SKIC3: variants seen among roughly 807,000 people sequenced by gnomAD.
The protein encoded by SKIC3 is SKI3 subunit of superkiller complex.
the SKIC3 span, among the ~76,000 whole-genome samples, chr5:95,501,018 A>G: frequency 1.3e-5 from 2 of 152,146 alleles, no homozygotes; most frequent in African/African-American, 4.8e-5. Context: ...TCTTTTTACA[A>G]TAAGAGTTAA....
chr5:95,554,392 C>T, the SKIC3 span, among the ~76,000 whole-genome samples: 583 of 152,206 alleles, frequency 3.8e-3, 4 homozygotes, highest in South Asian at 7.3e-3. Context: ...CAGAACTCTC[C>T]AAAGGAATTC....
chr5:95,532,823 C>A, the SKIC3 span, among the ~76,000 whole-genome samples: 2 of 151,956 alleles, frequency 1.3e-5, no homozygotes, highest in African/African-American at 4.8e-5. Context: ...TGAAGAGGTC[C>A]GTGTTGGATG....
chr5:95,545,990 C>A, the SKIC3 span, among the ~76,000 whole-genome samples: 7 of 152,144 alleles, frequency 4.6e-5, no homozygotes, highest in Non-Finnish European at 8.8e-5. Flanking sequence ...GGTAACAAAT[C>A]TTTAACCTTT....
At chr5:95,549,919 T>A in the SKIC3 span, among the ~76,000 whole-genome samples, 14 of 151,940 alleles carry the variant, frequency 9.2e-5, no homozygotes, top group Non-Finnish European at 1.9e-4. Flanking sequence ...TCCTCTATTT[T>A]GGATATTTCC....
chr5:95,522,275 T>C, the SKIC3 span: 1 of 1,613,644 alleles, frequency 6.2e-7, no homozygotes, highest in Non-Finnish European at 8.5e-7. Context: ...ACAATTGAAG[T>C]CCTTTGGGTC....
the SKIC3 span, among the ~76,000 whole-genome samples, chr5:95,531,408 C>G: frequency 6.6e-6 from 1 of 152,158 alleles, no homozygotes; most frequent in Non-Finnish European, 1.5e-5. Context: ...AGACACAAGC[C>G]TGCTACTATT....
chr5:95,506,493 C>G, the SKIC3 span, among the ~76,000 whole-genome samples: 1 of 152,096 alleles, frequency 6.6e-6, no homozygotes, highest in East Asian at 1.9e-4. Context: ...TTAGAAGTCT[C>G]TGAAAAACTG....
chr5:95,504,800 A>G, the SKIC3 span, among the ~76,000 whole-genome samples: 7 of 152,276 alleles, frequency 4.6e-5, no homozygotes, highest in East Asian at 1.2e-3. Context: ...CAGGAGTTCA[A>G]GACCAACCTG....
chr5:95,495,261 A>C, the SKIC3 span: 1 of 472,916 alleles, frequency 2.1e-6, no homozygotes, highest in South Asian at 2.7e-5. Flanking sequence ...TGAAGGTTCA[A>C]AAGTTATATA....
At chr5:95,548,052 A>C in the SKIC3 span, among the ~76,000 whole-genome samples, 1 of 152,240 alleles carries the variant, frequency 6.6e-6, no homozygotes, top group African/African-American at 2.4e-5. Context: ...CTTAAGATAT[A>C]TTAATTTTAA....
chr5:95,512,343 C>T, the SKIC3 span: 1 of 984,350 alleles, frequency 1.0e-6, no homozygotes, highest in East Asian at 2.7e-5. Context: ...GACTGCTTCG[C>T]TGTTGCAAAA....
the SKIC3 span, among the ~76,000 whole-genome samples, chr5:95,532,680 T>C: frequency 1.3e-5 from 2 of 152,278 alleles, no homozygotes; most frequent in African/African-American, 4.8e-5. Flanking sequence ...CTGCTCTTTT[T>C]AACATTTAAA....
chr5:95,509,717 A>G, the SKIC3 span: 12 of 1,395,184 alleles, frequency 8.6e-6, no homozygotes, highest in East Asian at 2.5e-4. Flanking sequence ...TTCATTTTAA[A>G]TATGCCTACT....
the SKIC3 span, among the ~76,000 whole-genome samples, chr5:95,478,040 T>G: frequency 6.6e-6 from 1 of 152,144 alleles, no homozygotes; most frequent in Admixed American, 6.5e-5. Flanking sequence ...AAAATGTATA[T>G]CCTAATATAA....
the SKIC3 span, chr5:95,482,710 G>T: frequency 1.3e-6 from 2 of 1,524,332 alleles, no homozygotes; most frequent in Non-Finnish European, 1.8e-6. Context: ...TCTCCAAGTT[G>T]GGAAAATAAA....
chr5:95,535,484 G>C, the SKIC3 span, among the ~76,000 whole-genome samples: 1 of 151,086 alleles, frequency 6.6e-6, no homozygotes, highest in Non-Finnish European at 1.5e-5. Context: ...CTAATTTTTT[G>C]TATTTTTAGT....
the SKIC3 span, chr5:95,547,126 C>A: frequency 1.2e-6 from 2 of 1,613,166 alleles, no homozygotes; most frequent in Non-Finnish European, 1.7e-6. Context: ...CTTTTTAGAG[C>A]AGTCTTCACT....
the SKIC3 span, chr5:95,467,751 T>A: frequency 6.9e-7 from 1 of 1,442,892 alleles, no homozygotes; most frequent in Non-Finnish European, 9.3e-7. Context: ...TTTTAAAAAT[T>A]CAATCATAAA....
chr5:95,506,478 T>TA, the SKIC3 span, among the ~76,000 whole-genome samples: 4 of 152,300 alleles, frequency 2.6e-5, no homozygotes, highest in African/African-American at 9.6e-5. Context: ...TATTCTTTTT[T>TA]AGAGTTAGAA....
Sources: allele counts gnomAD v4.1 joint callset (sites outside exome capture counted in the v4.1 genomes callset), GRCh38; gene constraint gnomAD v4.1.1; transcripts MANE v1.5; gene names NCBI Gene and HGNC (gene_info 2026-07-23, HGNC 2026-07-21).